The following FAM20C variants were observed in gnomAD, a reference collection of about 807,000 sequenced individuals.
FAM20C encodes the protein FAM20C golgi associated secretory pathway kinase.
In FAM20C, 40 loss-of-function variants were observed where a neutral mutation model predicts 51.5. That is an observed-to-expected ratio of 0.78 (90% CI 0.60 to 1.01). The LOEUF is 1.01. Ranked by LOEUF, FAM20C falls within the 50% of genes least tolerant of loss-of-function variation. The pLI is 0.00. For missense variants in FAM20C, 861 were observed against 844.7 expected (o/e 1.02, Z -0.24); for synonymous variants, 406 against 380.6 (o/e 1.07, Z -0.78).
intron 3 of FAM20C, among the ~76,000 whole-genome samples, chr7:219,474 G>A (rs1426400544): frequency 1.3e-5 from 2 of 152,212 alleles, no homozygotes; most frequent in African/African-American, 2.4e-5. Context: ...GGCTGTCGGC[G>A]GGGTCTGAGG....
intron 3 of FAM20C, among the ~76,000 whole-genome samples, chr7:236,116 G>T (rs1787840266): frequency 6.6e-6 from 1 of 152,060 alleles, no homozygotes; most frequent in Admixed American, 6.5e-5. Flanking sequence ...CCGTGCAGAG[G>T]GTTCAGTACT....
intron 9 of FAM20C, among the ~76,000 whole-genome samples, chr7:259,500 C>G (rs1419605745): frequency 6.6e-6 from 1 of 152,236 alleles, no homozygotes; most frequent in Non-Finnish European, 1.5e-5. Flanking sequence ...TTATCTGTGT[C>G]TCTTTCTGTC....
chr7:205,030 AG>A (rs1286089775), intron 2 of FAM20C, among the ~76,000 whole-genome samples: 2 of 152,200 alleles, frequency 1.3e-5, no homozygotes, highest in Admixed American at 1.3e-4. Context: ...GTCCTGGATG[AG>A]GCGTGTCACC....
At chr7:230,155 C>G (rs770998207) in intron 3 of FAM20C, among the ~76,000 whole-genome samples, 37 of 152,194 alleles carry the variant, frequency 2.4e-4, no homozygotes, top group Non-Finnish European at 2.6e-4. Flanking sequence ...TCCCTGGGCC[C>G]AAAATGCAAT....
At chr7:202,955 G>A (rs1444224146) in intron 2 of FAM20C, among the ~76,000 whole-genome samples, 1 of 152,218 alleles carries the variant, frequency 6.6e-6, no homozygotes, top group East Asian at 1.9e-4. Context: ...TTGGGGCCTA[G>A]AGGCCCACTG....
Position 193,163 on chromosome 7 carries a change from C to A in FAM20C, c.-37C>A. Reference sequence around the variant, plus strand: ...AGCTGCAGCTAGAGGGGCGCGCGGGCAGAACGCGCTCCAGGCCCGGGCCGG... The same window carrying A: ...AGCTGCAGCTAGAGGGGCGCGCGGGAAGAACGCGCTCCAGGCCCGGGCCGG... On this transcript the variant is annotated 5_prime_UTR_variant, in exon 1 of 10. Transcript: ENST00000313766. 4.2e-6 allele frequency: 6 copies of A among 1,428,882 alleles called. No homozygotes were observed. Among genetic ancestry groups the A allele is most frequent in the Non-Finnish European group, 5.5e-6 (6 of 1,084,014 alleles). The allele number at this position is 1,428,882 out of a possible 1,614,324, so 88.5% of individuals were successfully genotyped here.
In FAM20C at chr7:257,870, G is replaced by GCTGGGTGCACACACTGCCTGGGGT. The variant is rs1173680029; in HGVS notation, c.1446-776_1446-775insCTGGGTGCACACACTGCCTGGGGT. Among the ~76,000 whole-genome samples, 24 of 79,406 alleles carry GCTGGGTGCACACACTGCCTGGGGT rather than the reference G, an allele frequency of 3.0e-4. 4 individuals are homozygous for GCTGGGTGCACACACTGCCTGGGGT. The highest frequency in any genetic ancestry group is 4.9e-4 in the Non-Finnish European group (15 of 30,434). 52.1% of individuals were successfully genotyped at this position (79,406 alleles called of 152,430 possible). On this transcript the variant is annotated intron_variant, in intron 8 of 9. Transcript: ENST00000313766. ...CCACTGCCTGGGGTGCTGGAGATGG[G>GCTGGGTGCACACACTGCCTGGGGT]GCTGGGTGGACCCACTGCCCAGGAT...
At chr7:233,616 C>T (rs1393100567) in intron 3 of FAM20C, among the ~76,000 whole-genome samples, 1 of 152,180 alleles carries the variant, frequency 6.6e-6, no homozygotes, top group South Asian at 2.1e-4. Flanking sequence ...GGTCCCTCCT[C>T]CATCCTGAGA....
chr7:231,431 G>A (rs1034574867), intron 3 of FAM20C, among the ~76,000 whole-genome samples: 28 of 151,712 alleles, frequency 1.8e-4, no homozygotes, highest in Non-Finnish European at 3.2e-4. Context: ...GGAGGGTCCT[G>A]GCGTGGAGGG....
At chr7:206,007 CAGGGCTGGGCCCTCCCCG>C (rs1414622879) in intron 2 of FAM20C, among the ~76,000 whole-genome samples, 7 of 152,134 alleles carry the variant, frequency 4.6e-5, no homozygotes, top group Non-Finnish European at 1.0e-4. Context: ...CCATCTCCTG[CAGGGCTGGGCCCTCCCCG>C]AGCTCCACGC....
At position 258,376 on chromosome 7, in the gene FAM20C, G is replaced by C. The variant is rs1285102571; in HGVS notation, c.1446-270G>C. Among the ~76,000 whole-genome samples, 6 of 109,948 alleles carry C rather than the reference G, an allele frequency of 5.5e-5. 1 individual carries two copies. Among genetic ancestry groups the C allele is most frequent in the East Asian group, 2.4e-4 (1 of 4,184 alleles). 72.1% of individuals were successfully genotyped at this position (109,948 alleles called of 152,430 possible). ...CCACTGCCTGAGGTGCTGGAGATGG[G>C]CAGGGTGGACCCACTGCCCGGGATG... On this transcript the variant is annotated intron_variant, in intron 8 of 9. Coordinates refer to ENST00000313766, the MANE Select transcript of FAM20C (RefSeq NM_020223.4).
intron 3 of FAM20C, among the ~76,000 whole-genome samples, chr7:241,095 A>T (rs978398244): frequency 2.4e-3 from 364 of 151,786 alleles, no homozygotes; most frequent in African/African-American, 8.5e-3. Flanking sequence ...GAATTGTCCT[A>T]AAGGGGTGGT....
intron 2 of FAM20C, among the ~76,000 whole-genome samples, chr7:200,134 C>G (rs989001777): frequency 5.9e-5 from 9 of 152,228 alleles, no homozygotes; most frequent in African/African-American, 2.2e-4. Flanking sequence ...CTGCAGGTAC[C>G]TGGGAGGGCA....
chr7:234,860 A>T (rs1177723244), intron 3 of FAM20C, among the ~76,000 whole-genome samples: 2 of 152,048 alleles, frequency 1.3e-5, no homozygotes, highest in African/African-American at 4.8e-5. Context: ...GAGTCCCGAG[A>T]AGCCCACGGC....
chr7:241,985 C>G (rs959025312), intron 3 of FAM20C, among the ~76,000 whole-genome samples: 2 of 152,190 alleles, frequency 1.3e-5, no homozygotes, highest in Admixed American at 1.3e-4. Context: ...CTAAACCACT[C>G]AGCATCCAGG....
At chr7:214,888 G>T (rs1380112986) in intron 3 of FAM20C, among the ~76,000 whole-genome samples, 2 of 152,120 alleles carry the variant, frequency 1.3e-5, no homozygotes, top group African/African-American at 4.8e-5. Context: ...CCACCTCCAG[G>T]TAGAAATATT....
At chr7:196,236 CA>C (rs1331996237) in intron 2 of FAM20C, among the ~76,000 whole-genome samples, 8 of 152,220 alleles carry the variant, frequency 5.3e-5, no homozygotes, top group Admixed American at 2.0e-4. Flanking sequence ...ACTGAGGAGA[CA>C]TAGGCAGGGC....
In FAM20C at chr7:193,760, C is replaced by T. The variant is rs1215880926; in HGVS notation, c.561C>T (p.Asn187=). 2 of 1,550,178 alleles carry T rather than the reference C, an allele frequency of 1.3e-6. No individual in the cohort carries two copies. The highest frequency in any genetic ancestry group is 1.7e-6 in the Non-Finnish European group (2 of 1,147,042). ...AGGAGGACGTCCTGTTCAATGTGAA[C>T]AGCGACACCAGGCTCAGCCCCAAAG... The part of the protein sequence containing the change: ...LTEEDVLFNV[N]SDTRLSPKAA... The change falls in exon 1 of 10, where the codon AAC becomes AAT. Residue 187 remains asparagine (N), a synonymous_variant. Coordinates refer to ENST00000313766, the MANE Select transcript of FAM20C (RefSeq NM_020223.4).
In FAM20C at chr7:249,252, G is replaced by C. The variant is rs574829131; in HGVS notation, c.1072+822G>C. ...CTCCCCCGCCTCGGCGAAGTGGCTG[G>C]ACTGTGAGCAGGGCTGGCCCAGGCC... On this transcript the variant is annotated intron_variant, in intron 5 of 9. Coordinates refer to ENST00000313766, the MANE Select transcript of FAM20C (RefSeq NM_020223.4). 4.6e-5 allele frequency among the ~76,000 whole-genome samples: 7 copies of C among 152,372 alleles called. No homozygotes were observed. In the East Asian group the frequency reaches 1.4e-3, roughly 29 times the overall value.
Sources: allele counts gnomAD v4.1 joint callset (sites outside exome capture counted in the v4.1 genomes callset), GRCh38; gene constraint gnomAD v4.1.1; transcripts MANE v1.5; gene names NCBI Gene and HGNC (gene_info 2026-07-23, HGNC 2026-07-21).